The following RALGAPA2 variants were observed in gnomAD, a reference collection of about 807,000 sequenced individuals.
RALGAPA2 encodes ral GTPase-activating protein subunit alpha-2.
A neutral mutation model predicts 230.4 loss-of-function variants in RALGAPA2; 139 were observed. The observed-to-expected ratio is 0.60, with a 90% confidence interval of 0.53 to 0.69. The LOEUF (loss-of-function observed/expected upper bound fraction) is 0.69. Ranked by LOEUF, RALGAPA2 falls within the 30% of genes least tolerant of loss-of-function variation. The pLI, the probability that RALGAPA2 is intolerant of heterozygous loss-of-function variation, is 0.00. For synonymous variants in RALGAPA2, 847 were observed against 837.8 expected (o/e 1.01, Z -0.19); for missense variants, 2,163 against 2,276.0 (o/e 0.95, Z 1.01).
At chr20:20,696,606 C>CT (rs796639942) in intron 1 of RALGAPA2, among the ~76,000 whole-genome samples, 4 of 152,184 alleles carry the variant, frequency 2.6e-5, no homozygotes, top group African/African-American at 9.6e-5. Flanking sequence ...CTCCCACCCC[C>CT]GCTCCTTTCC....
chr20:20,682,919 C>A lies in RALGAPA2; in HGVS notation c.107-2118G>T, dbSNP rs747229999. ...AGGACTTCTGATTTCCATCTGCAGC[C>A]CTGACATCTCCCACTGTGGGCTCTA... On this transcript the variant is annotated intron_variant, in intron 1 of 39. Transcript: ENST00000202677. 4.3e-4 allele frequency among the ~76,000 whole-genome samples: 66 copies of A among 152,166 alleles called. 1 individual carries two copies. Among genetic ancestry groups the A allele is most frequent in the Non-Finnish European group, 6.2e-4 (42 of 68,044 alleles).
chr20:20,641,341 A>C (rs2067024169), intron 5 of RALGAPA2, among the ~76,000 whole-genome samples: 1 of 152,240 alleles, frequency 6.6e-6, no homozygotes, highest in Non-Finnish European at 1.5e-5. Flanking sequence ...ATCCATAAAA[A>C]CAATGACAAA....
chr20:20,638,360 G>A (rs559724510), intron 7 of RALGAPA2, among the ~76,000 whole-genome samples: 45 of 152,316 alleles, frequency 3.0e-4, no homozygotes, highest in Non-Finnish European at 4.9e-4. Flanking sequence ...AGCACCTGAG[G>A]TAAAGGGATG....
chr20:20,587,502 C>G (rs1367039307), intron 18 of RALGAPA2, among the ~76,000 whole-genome samples: 1 of 152,036 alleles, frequency 6.6e-6, no homozygotes, highest in East Asian at 1.9e-4. Flanking sequence ...CTACCTCACT[C>G]CATAAACAGG....
intron 1 of RALGAPA2, among the ~76,000 whole-genome samples, chr20:20,692,748 G>A (rs2068959365): frequency 1.3e-5 from 2 of 152,264 alleles, no homozygotes; most frequent in Middle Eastern, 6.8e-3. Context: ...ATGGCTGTGG[G>A]CATTTTGCCA....
intron 1 of RALGAPA2, among the ~76,000 whole-genome samples, chr20:20,705,512 T>C (rs1237960320): frequency 2.6e-5 from 4 of 152,220 alleles, no homozygotes; most frequent in Non-Finnish European, 4.4e-5. Flanking sequence ...TTGATTTTTT[T>C]TTAATTCAAG....
intron 37 of RALGAPA2, among the ~76,000 whole-genome samples, chr20:20,429,271 TCA>T (rs1320415593): frequency 1.3e-5 from 2 of 152,246 alleles, no homozygotes; most frequent in African/African-American, 2.4e-5. Flanking sequence ...TTATGCTGTC[TCA>T]GTTTAATCTT....
At position 20,680,732 on chromosome 20, in the gene RALGAPA2, T is replaced by C. The variant is rs201746708; in HGVS notation, c.176A>G (p.Tyr59Cys). ...ATTTTCCAGTGCTATAAAATTTTCA[T>C]AGAAGATGAAATATATCTGAGAATA... is the stretch of plus-strand genomic sequence containing the variant. ...TNYSQIYFIF[Y>C]ENFIALENSL... is the part of the protein sequence containing the mutation. Residue 59 changes from tyrosine to cysteine, a missense_variant, in exon 2 of 40, where the codon TAT becomes TGT. Physicochemically the swap from Tyr to Cys is radical, Grantham distance 194. Transcript: ENST00000202677. The C allele has an allele frequency of 3.8e-6, 6 of 1,584,124 alleles. No individual in the cohort carries two copies. Among genetic ancestry groups the C allele is most frequent in the Middle Eastern group, 1.7e-4 (1 of 6,014 alleles).
At chr20:20,427,816 T>C (rs935248715) in intron 37 of RALGAPA2, among the ~76,000 whole-genome samples, 16 of 152,286 alleles carry the variant, frequency 1.1e-4, no homozygotes, top group African/African-American at 2.6e-4. Flanking sequence ...TGTTTTCTTT[T>C]GTAGCTGGAC....
chr20:20,458,785 TAG>T (rs2061213712), intron 37 of RALGAPA2, among the ~76,000 whole-genome samples: 1 of 143,558 alleles, frequency 7.0e-6, no homozygotes. Context: ...TATATATATA[TAG>T]ACCTATATAT....
intron 24 of RALGAPA2, among the ~76,000 whole-genome samples, chr20:20,545,705 A>T (rs2063758371): frequency 6.6e-6 from 1 of 152,254 alleles, no homozygotes; most frequent in African/African-American, 2.4e-5. Flanking sequence ...ATAACAGCTT[A>T]TAGAGCACAA....
Position 20,531,194 on chromosome 20 carries a change from G to C in RALGAPA2, c.3582+493C>G, listed in dbSNP as rs538987256. On this transcript the variant is annotated intron_variant, in intron 27 of 39. Coordinates refer to ENST00000202677, the MANE Select transcript of RALGAPA2 (RefSeq NM_020343.4). ...TCTTGAAGATTAACAGAATTATTTA[G>C]AGTTCGCCATTACTCTGACCTAGTG... 2.2e-3 allele frequency among the ~76,000 whole-genome samples: 337 copies of C among 152,306 alleles called. 6 individuals are homozygous for C. The highest frequency in any genetic ancestry group is 7.9e-3 in the South Asian group (38 of 4,828).
At chr20:20,518,058 A>G (rs758491601) in intron 31 of RALGAPA2, among the ~76,000 whole-genome samples, 30 of 151,452 alleles carry the variant, frequency 2.0e-4, no homozygotes, top group Non-Finnish European at 7.4e-5. Flanking sequence ...ACCAACATAA[A>G]TAATTTTTTT....
chr20:20,421,029 A>T (rs2060265300), intron 37 of RALGAPA2, among the ~76,000 whole-genome samples: 1 of 152,228 alleles, frequency 6.6e-6, no homozygotes, highest in African/African-American at 2.4e-5. Context: ...AACACACAGA[A>T]TAGGAGAAAA....
chr20:20,423,379 C>T (rs2060317436), intron 37 of RALGAPA2, among the ~76,000 whole-genome samples: 3 of 152,146 alleles, frequency 2.0e-5, no homozygotes, highest in Non-Finnish European at 4.4e-5. Context: ...GAACCACCCC[C>T]ACCCCCACCA....
In RALGAPA2 at chr20:20,616,587, T is replaced by C. The variant is rs1021993607; in HGVS notation, c.1540-396A>G. Among the ~76,000 whole-genome samples the C allele has an allele frequency of 6.6e-5, 10 of 150,914 alleles. No individual in the cohort carries two copies. The South Asian group carries it at 1.3e-3, about 19-fold the overall frequency. The stretch of plus-strand genomic sequence containing the variant: ...AACTGTAGAGGGGGAATGGGAGGAG[T>C]AGAGGATAGATGGCCAGACAGTGGT... On this transcript the variant is annotated intron_variant, in intron 12 of 39. Coordinates refer to ENST00000202677, the MANE Select transcript of RALGAPA2 (RefSeq NM_020343.4).
rs1210808867 is a variant in RALGAPA2, at chr20:20,460,578, G to A, written c.5495+12251C>T. ...TTGACCATAAGGGTCCAGTGTTATG[G>A]TGTCAGTTACACGGCCCAACATGAG... On this transcript the variant is annotated intron_variant, in intron 37 of 39. Coordinates refer to ENST00000202677, the MANE Select transcript of RALGAPA2 (RefSeq NM_020343.4). 3.9e-5 allele frequency among the ~76,000 whole-genome samples: 6 copies of A among 152,170 alleles called. No homozygotes were observed. The East Asian group carries it at 9.6e-4, about 24-fold the overall frequency.
At chr20:20,639,069 T>C (rs1474346619) in intron 7 of RALGAPA2, among the ~76,000 whole-genome samples, 2 of 152,110 alleles carry the variant, frequency 1.3e-5, no homozygotes, top group African/African-American at 2.4e-5. Context: ...CCTAGAACCC[T>C]TGTGGTTTGG....
At chr20:20,608,081 T>C (rs565474036) in intron 14 of RALGAPA2, among the ~76,000 whole-genome samples, 2 of 152,292 alleles carry the variant, frequency 1.3e-5, no homozygotes, top group African/African-American at 4.8e-5. Context: ...ACATTTCTCA[T>C]TAAAAATAAG....
Sources: allele counts gnomAD v4.1 joint callset (sites outside exome capture counted in the v4.1 genomes callset), GRCh38; gene constraint gnomAD v4.1.1; transcripts MANE v1.5; gene names NCBI Gene and HGNC (gene_info 2026-07-23, HGNC 2026-07-21).